Variants in RPSA2 observed in about 807,000 individuals in gnomAD.
RPSA2 encodes the protein small ribosomal subunit protein uS2B.
At chr19:23,845,008 A>G in the RPSA2 span, among the ~76,000 whole-genome samples, 2 of 148,904 alleles carry the variant, frequency 1.3e-5, no homozygotes, top group Non-Finnish European at 3.0e-5. Context: ...GTATGTTTCC[A>G]TGAATTTATT....
chr19:23,823,185 G>A, the RPSA2 span, among the ~76,000 whole-genome samples: 2 of 152,122 alleles, frequency 1.3e-5, no homozygotes, highest in Non-Finnish European at 2.9e-5. Context: ...CATAGTCCCC[G>A]AATAACCTTT....
the RPSA2 span, among the ~76,000 whole-genome samples, chr19:23,849,326 A>G: frequency 1.7e-4 from 1 of 5,920 alleles, no homozygotes; most frequent in Non-Finnish European, 9.4e-3. Context: ...CAGGGATGCC[A>G]AAGAGGTAGA....
chr19:23,825,238 A>T, the RPSA2 span, among the ~76,000 whole-genome samples: 1 of 152,146 alleles, frequency 6.6e-6, no homozygotes. Flanking sequence ...TTGGCCTCCC[A>T]AGGTATCTAA....
chr19:23,761,930 T>TCTCTCTCTCTCTCTCTCTCTCTC, the RPSA2 span, among the ~76,000 whole-genome samples: 1 of 127,366 alleles, frequency 7.9e-6, no homozygotes, highest in African/African-American at 3.1e-5. Context: ...CTTTTTTTTT[T>TCTCTCTCTCTCTCTCTCTCTCTC]TTTTTGAGAT....
At chr19:23,832,838 C>T in the RPSA2 span, 1 of 1,580,704 alleles carries the variant, frequency 6.3e-7, no homozygotes, top group Non-Finnish European at 8.6e-7. Context: ...TTCAGCCAGT[C>T]CTCAACCCTT....
At chr19:23,830,592 A>G in the RPSA2 span, among the ~76,000 whole-genome samples, 3 of 125,474 alleles carry the variant, frequency 2.4e-5, no homozygotes. Flanking sequence ...TTCTTTTAGG[A>G]TCTATTAGTT....
At chr19:23,796,135 G>A in the RPSA2 span, among the ~76,000 whole-genome samples, 2 of 152,146 alleles carry the variant, frequency 1.3e-5, no homozygotes, top group African/African-American at 4.8e-5. Flanking sequence ...TGTAAAGTAT[G>A]TACTTTTAAT....
At chr19:23,857,959 A>G in the RPSA2 span, among the ~76,000 whole-genome samples, 1 of 151,834 alleles carries the variant, frequency 6.6e-6, no homozygotes, top group Non-Finnish European at 1.5e-5. Context: ...CAATTGCTTC[A>G]TTTTATTTTA....
At chr19:23,857,210 G>A in the RPSA2 span, among the ~76,000 whole-genome samples, 1 of 152,126 alleles carries the variant, frequency 6.6e-6, no homozygotes, top group East Asian at 1.9e-4. Flanking sequence ...TCAAACACAC[G>A]TTTTACAATC....
chr19:23,855,167 G>A, the RPSA2 span, among the ~76,000 whole-genome samples: 1 of 152,138 alleles, frequency 6.6e-6, no homozygotes, highest in African/African-American at 2.4e-5. Flanking sequence ...TTGAACAGTA[G>A]TATCAGATTA....
chr19:23,777,372 G>A, the RPSA2 span, among the ~76,000 whole-genome samples: 1 of 152,034 alleles, frequency 6.6e-6, no homozygotes, highest in African/African-American at 2.4e-5. Flanking sequence ...GTATGATGAT[G>A]TATCTTTTCA....
chr19:23,790,382 G>GA, the RPSA2 span, among the ~76,000 whole-genome samples: 1 of 151,842 alleles, frequency 6.6e-6, no homozygotes, highest in Non-Finnish European at 1.5e-5. Flanking sequence ...GAAAAAGAAA[G>GA]AAAAAAGAGA....
the RPSA2 span, among the ~76,000 whole-genome samples, chr19:23,792,180 T>C: frequency 6.6e-6 from 1 of 152,264 alleles, no homozygotes; most frequent in Non-Finnish European, 1.5e-5. Context: ...GCTGAATTTT[T>C]CTAACACTTA....
At chr19:23,862,255 T>G in the RPSA2 span, among the ~76,000 whole-genome samples, 1 of 152,042 alleles carries the variant, frequency 6.6e-6, no homozygotes, top group Admixed American at 6.6e-5. Flanking sequence ...TGAAGTTGCT[T>G]ATCAGCTTAA....
the RPSA2 span, among the ~76,000 whole-genome samples, chr19:23,778,159 G>A: frequency 6.6e-6 from 1 of 152,152 alleles, no homozygotes; most frequent in Admixed American, 6.6e-5. Flanking sequence ...CCTACTGGGG[G>A]AATTGTGATA....
the RPSA2 span, among the ~76,000 whole-genome samples, chr19:23,828,777 C>A: frequency 1.3e-5 from 2 of 151,884 alleles, no homozygotes; most frequent in South Asian, 4.2e-4. Flanking sequence ...TTGTTTTATA[C>A]TGCCTTTAAG....
the RPSA2 span, among the ~76,000 whole-genome samples, chr19:23,805,353 G>A: frequency 6.6e-6 from 1 of 151,864 alleles, no homozygotes; most frequent in Admixed American, 6.6e-5. Context: ...TAGTAGAGAT[G>A]GGGTTTCTTC....
the RPSA2 span, among the ~76,000 whole-genome samples, chr19:23,779,099 C>G: frequency 6.9e-6 from 1 of 144,684 alleles, no homozygotes; most frequent in African/African-American, 2.6e-5. Context: ...CTCCTGGGCT[C>G]ATGCCATTCT....
the RPSA2 span, among the ~76,000 whole-genome samples, chr19:23,828,953 A>ACACG: frequency 2.0e-5 from 3 of 151,992 alleles, no homozygotes; most frequent in Non-Finnish European, 4.4e-5. Context: ...ACACACACAC[A>ACACG]CACACACACA....
Sources: gnomAD v4.1 joint callset for allele counts (sites outside exome capture counted in the v4.1 genomes callset) on GRCh38, gnomAD v4.1.1 for gene constraint, MANE v1.5 for transcripts, NCBI Gene and HGNC (gene_info 2026-07-23, HGNC 2026-07-21) for gene names.